Variants in CNTNAP4 observed in about 807,000 individuals in gnomAD.
The protein encoded by CNTNAP4 is contactin-associated protein-like 4.
CNTNAP4 carries 98 observed loss-of-function variants against 148.4 expected under a neutral mutation model. That is an observed-to-expected ratio of 0.66 (90% CI 0.56 to 0.78). The LOEUF is 0.78. Ranked by LOEUF, CNTNAP4 falls within the 30% of genes least tolerant of loss-of-function variation. CNTNAP4 has a pLI of 0.00. For missense variants in CNTNAP4, 1,935 were observed against 1,565.6 expected (o/e 1.24, Z -3.98); for synonymous variants, 730 against 565.1 (o/e 1.29, Z -4.14).
Position 76,554,661 on chromosome 16 carries a change from A to C in CNTNAP4, c.3733+754A>C, listed in dbSNP as rs2085114530. Among the ~76,000 whole-genome samples the C allele has an allele frequency of 3.3e-5, 5 of 151,920 alleles. No individual in the cohort carries two copies. The South Asian group carries it at 1.0e-3, about 32-fold the overall frequency. Reference sequence around the variant, plus strand: ...TGTTAACTTGTTCACCTTTCTTTACACTCTGAATATGATACGGATATAGAA... The same window carrying C: ...TGTTAACTTGTTCACCTTTCTTTACCCTCTGAATATGATACGGATATAGAA... On this transcript the variant is annotated intron_variant, in intron 23 of 23. Coordinates refer to ENST00000611870, the MANE Select transcript of CNTNAP4 (RefSeq NM_033401.5).
At chr16:76,342,828 A>C (rs1324979851) in intron 2 of CNTNAP4, among the ~76,000 whole-genome samples, 1 of 152,232 alleles carries the variant, frequency 6.6e-6, no homozygotes, top group Non-Finnish European at 1.5e-5. Flanking sequence ...GTGGGTTACA[A>C]ATTTTCAGAA....
chr16:76,489,750 A>C lies in CNTNAP4; in HGVS notation c.1947A>C (p.Pro649=), dbSNP rs1232750400. The C allele has an allele frequency of 6.2e-7, 1 of 1,604,926 alleles. No individual in the cohort carries two copies. The highest frequency in any genetic ancestry group is 1.3e-5 in the African/African-American group (1 of 74,826). ...SDLTRVRNTN[P]ENPYAGFFEY... ...TAACAAGAGTCAGAAATACTAATCC[A>C]GAGAACCCATATGCTGGGTTTTTCG... The change falls in exon 13 of 24, where the codon CCA becomes CCC. Residue 649 remains proline, a synonymous_variant. Transcript: ENST00000611870.
At chr16:76,308,824 T>A (rs1382253437) in intron 1 of CNTNAP4, among the ~76,000 whole-genome samples, 1 of 152,118 alleles carries the variant, frequency 6.6e-6, no homozygotes, top group Non-Finnish European at 1.5e-5. Flanking sequence ...ATTTTATTTT[T>A]ATTTTTAATT....
chr16:76,554,111 T>G (rs535643162), intron 23 of CNTNAP4, among the ~76,000 whole-genome samples: 1 of 152,362 alleles, frequency 6.6e-6, no homozygotes, highest in African/African-American at 2.4e-5. Context: ...AGATTTTCAG[T>G]ATAAATAATT....
chr16:76,493,669 A>G (rs1263079983), intron 13 of CNTNAP4, among the ~76,000 whole-genome samples: 2 of 152,168 alleles, frequency 1.3e-5, no homozygotes, highest in East Asian at 1.9e-4. Context: ...AAATATATTT[A>G]TTAAGTATTT....
At chr16:76,306,596 A>G (rs1034086782) in intron 1 of CNTNAP4, among the ~76,000 whole-genome samples, 1 of 152,248 alleles carries the variant, frequency 6.6e-6, no homozygotes, top group Non-Finnish European at 1.5e-5. Flanking sequence ...GGCAGGAGTC[A>G]AGATGATTCG....
At chr16:76,355,982 C>T (rs1453651573) in intron 3 of CNTNAP4, among the ~76,000 whole-genome samples, 1 of 151,906 alleles carries the variant, frequency 6.6e-6, no homozygotes, top group Non-Finnish European at 1.5e-5. Flanking sequence ...TCAAGCGATT[C>T]TCCTACTTCA....
At chr16:76,533,332 G>A (rs938553074) in intron 17 of CNTNAP4, among the ~76,000 whole-genome samples, 2 of 152,064 alleles carry the variant, frequency 1.3e-5, no homozygotes, top group African/African-American at 2.4e-5. Flanking sequence ...ACTAGAAGAT[G>A]GGGAGGGTAC....
chr16:76,291,443 C>G (rs1291192088), intron 1 of CNTNAP4, among the ~76,000 whole-genome samples: 1 of 152,100 alleles, frequency 6.6e-6, no homozygotes. Flanking sequence ...CTAGGTGCCT[C>G]TAGTACCCAA....
At chr16:76,454,826 G>T (rs774945692) in intron 8 of CNTNAP4, among the ~76,000 whole-genome samples, 1 of 152,006 alleles carries the variant, frequency 6.6e-6, no homozygotes, top group African/African-American at 2.4e-5. Context: ...CTATCACATT[G>T]TACTAAATCT....
intron 9 of CNTNAP4, among the ~76,000 whole-genome samples, chr16:76,464,768 C>G (rs1479251417): frequency 6.6e-6 from 1 of 152,170 alleles, no homozygotes; most frequent in Non-Finnish European, 1.5e-5. Context: ...TATGCCACAC[C>G]AGACTTCTCT....
At chr16:76,362,166 G>T (rs934192822) in intron 3 of CNTNAP4, among the ~76,000 whole-genome samples, 3 of 151,918 alleles carry the variant, frequency 2.0e-5, no homozygotes, top group Admixed American at 2.0e-4. Context: ...GTATCAAAAA[G>T]AATAACATAC....
chr16:76,491,693 T>C (rs1177022928), intron 13 of CNTNAP4, among the ~76,000 whole-genome samples: 2 of 152,176 alleles, frequency 1.3e-5, no homozygotes, highest in Non-Finnish European at 2.9e-5. Flanking sequence ...TGGAACAAAA[T>C]GAACTCAGGT....
At chr16:76,467,076 C>G (rs1370884142) in intron 9 of CNTNAP4, among the ~76,000 whole-genome samples, 1 of 151,924 alleles carries the variant, frequency 6.6e-6, no homozygotes, top group Admixed American at 6.6e-5. Context: ...GATTCTGGAG[C>G]CAATGTTTAT....
chr16:76,473,753 A>G (rs930941576), intron 10 of CNTNAP4, among the ~76,000 whole-genome samples: 3 of 152,140 alleles, frequency 2.0e-5, no homozygotes, highest in South Asian at 2.1e-4. Context: ...CAGCCTGGGC[A>G]ACAGAGTGAG....
intron 3 of CNTNAP4, among the ~76,000 whole-genome samples, chr16:76,420,268 CTAT>C (rs2079138635): frequency 6.6e-6 from 1 of 151,476 alleles, no homozygotes; most frequent in Non-Finnish European, 1.5e-5. Flanking sequence ...AATGTATATT[CTAT>C]AGGAGATAAA....
At position 76,524,972 on chromosome 16, in the gene CNTNAP4, A is replaced by G. The variant is rs145063424; in HGVS notation, c.2755+2715A>G. ...ATACTAAGGGAAGGGCTCATAAAAA[A>G]GAAAAAAAAAACACTTGTAGTCTTG... On this transcript the variant is annotated intron_variant, in intron 17 of 23. Coordinates refer to ENST00000611870, the MANE Select transcript of CNTNAP4 (RefSeq NM_033401.5). 2.6e-3 allele frequency among the ~76,000 whole-genome samples: 391 copies of G among 152,142 alleles called. 3 individuals carry two copies. Among genetic ancestry groups the G allele is most frequent in the African/African-American group, 9.0e-3 (374 of 41,532 alleles).
chr16:76,426,130 T>A (rs1290642505), intron 3 of CNTNAP4, among the ~76,000 whole-genome samples: 5 of 152,102 alleles, frequency 3.3e-5, no homozygotes, highest in Non-Finnish European at 5.9e-5. Flanking sequence ...TATGGGGTAC[T>A]GGTGGAGTGG....
At chr16:76,310,579 C>T (rs983359012) in intron 1 of CNTNAP4, among the ~76,000 whole-genome samples, 1 of 152,120 alleles carries the variant, frequency 6.6e-6, no homozygotes, top group African/African-American at 2.4e-5. Context: ...AGCTTCCTGT[C>T]AAAGGTCTCA....
Sources: allele counts gnomAD v4.1 joint callset (sites outside exome capture counted in the v4.1 genomes callset), GRCh38; gene constraint gnomAD v4.1.1; transcripts MANE v1.5; gene names NCBI Gene and HGNC (gene_info 2026-07-23, HGNC 2026-07-21).